Variants in SCUBE1 observed in about 807,000 individuals in gnomAD.
The protein encoded by SCUBE1 is signal peptide, CUB and EGF-like domain-containing protein 1.
In SCUBE1, 59 loss-of-function variants were observed where a neutral mutation model predicts 124.4. The observed-to-expected ratio is 0.47, with a 90% CI of 0.38 to 0.59. SCUBE1 has a LOEUF of 0.59. SCUBE1 is among the 20% of genes least tolerant of loss of function. The pLI is 0.00. For synonymous variants in SCUBE1, 545 were observed against 550.9 expected (o/e 0.99, Z 0.15); for missense variants, 1,150 against 1,371.2 (o/e 0.84, Z 2.55).
intron 6 of SCUBE1, among the ~76,000 whole-genome samples, chr22:43,254,505 CTGA>C (rs748181937): frequency 3.3e-5 from 5 of 152,196 alleles, no homozygotes; most frequent in Non-Finnish European, 7.3e-5. Flanking sequence ...CCCTGCAACC[CTGA>C]TGTTTGAGAC....
In SCUBE1 at chr22:43,332,438, G is replaced by A. The variant is rs78579738; in HGVS notation, c.220+6666C>T. Among the ~76,000 whole-genome samples, 554 of 152,266 alleles carry A rather than the reference G, an allele frequency of 3.6e-3. 5 individuals carry two copies. Among genetic ancestry groups the A allele is most frequent in the African/African-American group, 0.013 (538 of 41,558 alleles). ...GACCAGCCAGCAGCAGCAAGGGAGC[G>A]AGTCCGTGTAGAAGCAGAGGGGCTG... On this transcript the variant is annotated intron_variant, in intron 2 of 21. Transcript: ENST00000360835.
chr22:43,255,237 AG>A lies in SCUBE1; in HGVS notation c.727+2981del, dbSNP rs1162815838. 2.0e-5 allele frequency among the ~76,000 whole-genome samples: 3 copies of A among 152,186 alleles called. No homozygotes were observed. Among genetic ancestry groups the A allele is most frequent in the African/African-American group, 4.8e-5 (2 of 41,450 alleles). On this transcript the variant is annotated intron_variant, in intron 6 of 21. Transcript: ENST00000360835. This position sits in a 1 kb window ranked among gnomAD's most constrained non-coding sequence, Gnocchi z 4.7. ...AACAACGAACAAATGTGTTTGATGGAGGGTAAAAACTTTAAAAAGGAAAAAG... is the reference window on the plus strand; with the variant it reads ...AACAACGAACAAATGTGTTTGATGGAGGTAAAAACTTTAAAAAGGAAAAAG...
chr22:43,326,525 G>A (rs1256834162), intron 2 of SCUBE1, among the ~76,000 whole-genome samples: 2 of 152,104 alleles, frequency 1.3e-5, no homozygotes, highest in African/African-American at 2.4e-5. Flanking sequence ...AATGAGACGC[G>A]CTCTCTGAGG....
chr22:43,293,836 G>A lies in SCUBE1; in HGVS notation c.350-2656C>T, dbSNP rs554239306. ...AAACAGACACAGACTCTCAAATGCTGAGTTCCCAGTGCAGAAATGCTACCT... is the reference window on the plus strand; with the variant it reads ...AAACAGACACAGACTCTCAAATGCTAAGTTCCCAGTGCAGAAATGCTACCT... On this transcript the variant is annotated intron_variant, in intron 3 of 21. Transcript: ENST00000360835. 2.0e-4 allele frequency among the ~76,000 whole-genome samples: 31 copies of A among 152,312 alleles called. No homozygotes were observed. In the South Asian group the frequency reaches 6.2e-3, roughly 31 times the overall value.
chr22:43,262,579 T>G (rs983278572), intron 5 of SCUBE1, 141 bp downstream of exon 5: 2 of 977,056 alleles, frequency 2.0e-6, no homozygotes, highest in African/African-American at 3.3e-5. Context: ...ATCAGGCCCC[T>G]TCCACAGGCC....
At chr22:43,223,530 T>C (rs1480619585) in intron 10 of SCUBE1, among the ~76,000 whole-genome samples, 2 of 152,054 alleles carry the variant, frequency 1.3e-5, no homozygotes, top group African/African-American at 2.4e-5. Context: ...CCATTCCCAC[T>C]GGGGAAAGGA....
intron 4 of SCUBE1, chr22:43,272,499 G>A (rs1289467089): frequency 6.6e-6 from 1 of 152,252 alleles, no homozygotes; most frequent in East Asian, 1.9e-4. Flanking sequence ...TCAACTGCTT[G>A]TGTGCTTACG....
At chr22:43,310,945 A>G (rs932069612) in intron 3 of SCUBE1, among the ~76,000 whole-genome samples, 3 of 151,924 alleles carry the variant, frequency 2.0e-5, no homozygotes, top group African/African-American at 7.3e-5. Context: ...TCCCTGGCTA[A>G]TTTTTTAAAT....
At chr22:43,240,094 T>C (rs527404702) in intron 6 of SCUBE1, among the ~76,000 whole-genome samples, 2 of 152,200 alleles carry the variant, frequency 1.3e-5, no homozygotes, top group East Asian at 3.9e-4. Context: ...GAGGGGAACC[T>C]CATGTTCCCC....
chr22:43,263,120 C>G (rs1004456922), intron 4 of SCUBE1, among the ~76,000 whole-genome samples: 4 of 152,156 alleles, frequency 2.6e-5, no homozygotes, highest in African/African-American at 9.7e-5. Flanking sequence ...ACCTCGTGAC[C>G]CACGGAGACC....
Position 43,319,957 on chromosome 22 carries a change from T to C in SCUBE1, c.329A>G (p.His110Arg), listed in dbSNP as rs1926487240. The change falls in exon 3 of 22, where the codon CAC becomes CGC. Residue 110 changes from histidine to arginine, a missense_variant. This residue lies in a region of SCUBE1 where 337 missense variants were observed against 482.1 expected (regional missense o/e 0.70). Coordinates refer to ENST00000360835, the MANE Select transcript of SCUBE1 (RefSeq NM_173050.5). ...CTCACCCAGGCAGTTGTGTCCATCG[T>C]GTGCCAGCATGAAGCCATCAAAGCA... ...CTCFDGFMLA[H>R]DGHNCLDVDE... is the part of the protein sequence containing the mutation. 6.2e-7 allele frequency: 1 copy of C among 1,614,152 alleles called. No individual in the cohort carries two copies. The highest frequency in any genetic ancestry group is 8.5e-7 in the Non-Finnish European group (1 of 1,180,024).
intron 2 of SCUBE1, among the ~76,000 whole-genome samples, chr22:43,321,665 A>G (rs1369790957): frequency 6.6e-6 from 1 of 152,264 alleles, no homozygotes; most frequent in Non-Finnish European, 1.5e-5. Flanking sequence ...CCAAAGGATC[A>G]AGAGATAGAA....
rs1182141638 is a variant in SCUBE1 at position 43,255,079 on chromosome 22, C to T, written c.727+3140G>A. ...CCTCTTTTGTGGCTGAGTCTCAGTG[C>T]TGCTTTGCTGAGCCTGGGAATCCTA... On this transcript the variant is annotated intron_variant, in intron 6 of 21. Transcript: ENST00000360835. The surrounding 1 kb of genome is among the most constrained non-coding windows in gnomAD (Gnocchi z 4.7). Among the ~76,000 whole-genome samples, 1 of 152,200 alleles carries T rather than the reference C, an allele frequency of 6.6e-6. No homozygotes were observed. The highest frequency in any genetic ancestry group is 1.5e-5 in the Non-Finnish European group (1 of 68,032).
At position 43,293,955 on chromosome 22, in the gene SCUBE1, G is replaced by A. The variant is rs1026398097; in HGVS notation, c.350-2775C>T. Among the ~76,000 whole-genome samples the A allele has an allele frequency of 2.6e-5, 4 of 152,238 alleles. 1 individual carries two copies. The East Asian group carries it at 5.8e-4, about 22-fold the overall frequency. Reference sequence around the variant, plus strand: ...TCACTGAAAGCTTGAAGCAAAGGGCGGTTGACGTAAGGCATCTACAAACCC... The same window carrying A: ...TCACTGAAAGCTTGAAGCAAAGGGCAGTTGACGTAAGGCATCTACAAACCC... On this transcript the variant is annotated intron_variant, in intron 3 of 21. Transcript: ENST00000360835.
At chr22:43,322,024 G>C (rs948856947) in intron 2 of SCUBE1, among the ~76,000 whole-genome samples, 1 of 151,586 alleles carries the variant, frequency 6.6e-6, no homozygotes, top group Non-Finnish European at 1.5e-5. Context: ...TCCCTCTGTC[G>C]CCCAGGCTGG....
Position 43,216,983 on chromosome 22 carries a change from TCC to T in SCUBE1, c.1891+1270_1891+1271del, listed in dbSNP as rs200909318. Among the ~76,000 whole-genome samples, 105 of 63,864 alleles carry T rather than the reference TCC, an allele frequency of 1.6e-3. 1 individual carries two copies. The highest frequency in any genetic ancestry group is 6.1e-3 in the African/African-American group (90 of 14,804). The allele number at this position is 63,864 out of a possible 152,430, so 41.9% of individuals were successfully genotyped here. A position where few individuals can be genotyped will look rare whatever the true frequency, so the allele number is the denominator to read the frequency against. On this transcript the variant is annotated intron_variant, in intron 15 of 21. Transcript: ENST00000360835. ...TGCCGTCACCTCTTCTCTAACAGCTTCCCCCCACCCCGCCAGGTGTCACCTCT... is the reference window on the plus strand; with the variant it reads ...TGCCGTCACCTCTTCTCTAACAGCTTCCCCACCCCGCCAGGTGTCACCTCT...
chr22:43,270,156 G>A (rs1924237504), intron 4 of SCUBE1: 1 of 152,222 alleles, frequency 6.6e-6, no homozygotes, highest in Non-Finnish European at 1.5e-5. Flanking sequence ...TTTGTTTTAT[G>A]CACAAAATTA....
In SCUBE1 at chr22:43,229,056, C is replaced by A. The variant is rs373409699; in HGVS notation, c.1084+16G>T. 15 of 1,579,976 alleles carry A rather than the reference C, an allele frequency of 9.5e-6. No homozygotes were observed. The highest frequency in any genetic ancestry group is 4.0e-5 in the African/African-American group (3 of 74,302). On this transcript the variant is annotated intron_variant, in intron 9 of 21. Transcript: ENST00000360835. Reference sequence around the variant, plus strand: ...TGCCTCGGGGGGGAGGTGGCCCTGGCGGGCAGGCTGCAGACCTCCGCAGTG... The same window carrying A: ...TGCCTCGGGGGGGAGGTGGCCCTGGAGGGCAGGCTGCAGACCTCCGCAGTG...
chr22:43,221,228 G>A lies in SCUBE1; in HGVS notation c.1494C>T (p.His498=). The change falls in exon 13 of 22, where the codon CAC becomes CAT. Residue 498 remains histidine, a synonymous_variant. Transcript: ENST00000360835. ...CTCGTGCCTGGCTGTGGGGCCGGAG[G>A]TGGCACTTGGCATCTCGGATCTTGA... ...ARFKIRDAKC[H]LRPHSQARAK... is the part of the protein sequence containing the mutation. The A allele has an allele frequency of 6.2e-7, 1 of 1,611,866 alleles. No homozygotes were observed. The highest frequency in any genetic ancestry group is 8.5e-7 in the Non-Finnish European group (1 of 1,179,988).
Sources: gnomAD v4.1 joint callset for allele counts (sites outside exome capture counted in the v4.1 genomes callset) on GRCh38, gnomAD v4.1.1 for gene constraint, gnomAD v4.1.1 regional missense constraint, Gnocchi (gnomAD v3.1) non-coding constraint, MANE v1.5 for transcripts, NCBI Gene and HGNC (gene_info 2026-07-23, HGNC 2026-07-21) for gene names.